Variants in ABCA13 observed in about 807,000 individuals in gnomAD.
ABCA13 encodes the protein ATP-binding cassette sub-family A member 13.
In ABCA13, 476 loss-of-function variants were observed where a neutral mutation model predicts 478.7. That is an observed-to-expected ratio of 0.99 (90% CI 0.92 to 1.07). The LOEUF (loss-of-function observed/expected upper bound fraction) is 1.07, where lower values mean the gene tolerates loss of function less well. ABCA13 is among the 50% of genes least tolerant of loss of function. The pLI, the probability that ABCA13 is intolerant of heterozygous loss-of-function variation, is 0.00. For synonymous variants in ABCA13, 2,252 were observed against 2,158.9 expected (o/e 1.04, Z -1.20); for missense variants, 6,060 against 5,910.6 (o/e 1.03, Z -0.83).
At chr7:48,193,912 GTGA>G (rs369911570) in intron 2 of ABCA13, among the ~76,000 whole-genome samples, 12,792 of 72,816 alleles carry the variant, frequency 0.18, 808 homozygotes, top group East Asian at 0.34. Flanking sequence ...GATGATGATA[GTGA>G]TGATGCTGAC....
intron 50 of ABCA13, among the ~76,000 whole-genome samples, chr7:48,508,625 G>C (rs965492219): frequency 2.0e-5 from 3 of 152,272 alleles, no homozygotes; most frequent in Admixed American, 1.3e-4. Flanking sequence ...GTTGTTCTTA[G>C]TGGTCAATAT....
chr7:48,571,099 C>T (rs1201927165), intron 55 of ABCA13, among the ~76,000 whole-genome samples: 1 of 152,120 alleles, frequency 6.6e-6, no homozygotes, highest in Admixed American at 6.5e-5. Context: ...GCTCCTCTCC[C>T]ATTTATGCTA....
At chr7:48,266,639 C>T (rs1794908733) in intron 15 of ABCA13, among the ~76,000 whole-genome samples, 1 of 151,754 alleles carries the variant, frequency 6.6e-6, no homozygotes, top group South Asian at 2.1e-4. Context: ...TTGATCTTCT[C>T]AAACAACCAG....
At chr7:48,176,039 C>T (rs934303597) in intron 1 of ABCA13, among the ~76,000 whole-genome samples, 1 of 152,170 alleles carries the variant, frequency 6.6e-6, no homozygotes, top group Non-Finnish European at 1.5e-5. Context: ...GGATGGTACA[C>T]TTCCCCTAAT....
chr7:48,262,174 T>A (rs1794275703), intron 15 of ABCA13, among the ~76,000 whole-genome samples: 1 of 151,972 alleles, frequency 6.6e-6, no homozygotes, highest in Non-Finnish European at 1.5e-5. Context: ...CTATTTCCAG[T>A]AATGTTGTTA....
chr7:48,476,166 G>T (rs151051933), intron 45 of ABCA13, among the ~76,000 whole-genome samples: 4 of 152,182 alleles, frequency 2.6e-5, no homozygotes, highest in Non-Finnish European at 5.9e-5. Context: ...GACTCTTGAG[G>T]ACAATCTGTC....
chr7:48,404,783 G>A (rs77079774), intron 39 of ABCA13: 3,715 of 152,300 alleles, frequency 0.024, 71 homozygotes, highest in Non-Finnish European at 0.038. Context: ...GTCACTTAAA[G>A]CTTAACCATA....
chr7:48,379,087 C>T (rs896419212), intron 35 of ABCA13, among the ~76,000 whole-genome samples: 2 of 152,176 alleles, frequency 1.3e-5, no homozygotes, highest in Admixed American at 6.5e-5. Flanking sequence ...AAAGCTCGCA[C>T]ATATTTATAA....
At chr7:48,216,921 A>G (rs1048823734) in intron 3 of ABCA13, among the ~76,000 whole-genome samples, 10 of 152,154 alleles carry the variant, frequency 6.6e-5, no homozygotes, top group Non-Finnish European at 1.5e-4. Context: ...ATTTATTTTA[A>G]GCTTTCTGGA....
At chr7:48,612,589 T>C (rs1376099503) in intron 58 of ABCA13, among the ~76,000 whole-genome samples, 1 of 152,226 alleles carries the variant, frequency 6.6e-6, no homozygotes, top group Non-Finnish European at 1.5e-5. Context: ...TAATTGACTT[T>C]AGTGAACCTC....
chr7:48,455,000 G>C, intron 42 of ABCA13, 37 bp from the exon 43 acceptor site: 1 of 1,467,618 alleles, frequency 6.8e-7, no homozygotes, highest in Non-Finnish European at 9.0e-7. Flanking sequence ...CCTCCGCAGA[G>C]CTGACCCAGC....
At chr7:48,535,879 ATCAAG>A (rs1323341564) in intron 55 of ABCA13, among the ~76,000 whole-genome samples, 2 of 152,162 alleles carry the variant, frequency 1.3e-5, no homozygotes, top group African/African-American at 4.8e-5. Context: ...TCCCAACAGC[ATCAAG>A]TCAATTTCTG....
rs767141451 is a variant in ABCA13, at chr7:48,387,993, T to G, written c.11473+34T>G. ...GGAGTAGAATTATTAGATGCATGTA[T>G]TTTTCCTTTGATCCATTTTGATTTT... On this transcript the variant is annotated intron_variant, in intron 36 of 61. Coordinates refer to ENST00000435803, the MANE Select transcript of ABCA13 (RefSeq NM_152701.5). 1.9e-6 allele frequency: 3 copies of G among 1,583,542 alleles called. No homozygotes were observed. The African/African-American group carries it at 4.1e-5, about 22-fold the overall frequency.
chr7:48,310,227 G>A (rs769415627), intron 24 of ABCA13, 86 bp downstream of exon 24: 77 of 1,418,714 alleles, frequency 5.4e-5, no homozygotes, highest in South Asian at 1.3e-4. Flanking sequence ...CTAGGGGTGC[G>A]GCAGTGGGAG....
At chr7:48,234,368 G>T in intron 8 of ABCA13, 1 of 606,374 alleles carries the variant, frequency 1.6e-6, no homozygotes, top group Non-Finnish European at 2.9e-6. Flanking sequence ...ATCCCAGAAT[G>T]GAAAGGCAGC....
At chr7:48,338,977 T>C (rs1806694392) in intron 29 of ABCA13, among the ~76,000 whole-genome samples, 1 of 152,212 alleles carries the variant, frequency 6.6e-6, no homozygotes, top group Non-Finnish European at 1.5e-5. Flanking sequence ...AAAATATTCC[T>C]GTTCCACCAT....
intron 23 of ABCA13, among the ~76,000 whole-genome samples, chr7:48,303,494 T>C (rs1464510947): frequency 6.6e-6 from 1 of 152,188 alleles, no homozygotes; most frequent in Non-Finnish European, 1.5e-5. Flanking sequence ...CTTTAACCCA[T>C]CTTGAGTTGA....
intron 59 of ABCA13, among the ~76,000 whole-genome samples, chr7:48,624,167 A>C (rs1348774582): frequency 6.6e-6 from 1 of 151,828 alleles, no homozygotes; most frequent in East Asian, 1.9e-4. Context: ...GGTGGCTAAA[A>C]CTATCCTTTT....
chr7:48,327,222 A>G (rs1563057451), intron 27 of ABCA13, among the ~76,000 whole-genome samples: 1 of 152,200 alleles, frequency 6.6e-6, no homozygotes, highest in Non-Finnish European at 1.5e-5. Context: ...ACTTACAATC[A>G]TATTGGAAGG....
Sources: gnomAD v4.1 joint callset for allele counts (sites outside exome capture counted in the v4.1 genomes callset) on GRCh38, gnomAD v4.1.1 for gene constraint, MANE v1.5 for transcripts, NCBI Gene and HGNC (gene_info 2026-07-23, HGNC 2026-07-21) for gene names.